The following TDRD5 variants were observed in gnomAD, a reference collection of about 807,000 sequenced individuals.
TDRD5 encodes the protein tudor domain-containing protein 5.
Under a neutral mutation model 120.6 loss-of-function variants are expected in TDRD5, and 41 were observed. That is an observed-to-expected ratio of 0.34 (90% CI 0.26 to 0.44). The LOEUF is 0.44. TDRD5 is among the 20% of genes least tolerant of loss of function. The pLI, the probability that TDRD5 is intolerant of heterozygous loss-of-function variation, is 1.00. For missense variants in TDRD5, 1,006 were observed against 1,221.2 expected (o/e 0.82, Z 2.63); for synonymous variants, 430 against 433.7 (o/e 0.99, Z 0.11).
In TDRD5 at chr1:179,591,970, C is replaced by G. The variant is rs1230936170; in HGVS notation, c.-170C>G. The G allele has an allele frequency of 6.5e-6, 1 of 152,774 alleles. No individual in the cohort carries two copies. The highest frequency in any genetic ancestry group is 1.5e-5 in the Non-Finnish European group (1 of 68,528). The allele number at this position is 152,774 out of a possible 1,614,324, so 9.5% of individuals were successfully genotyped here. Reference sequence around the variant, plus strand: ...ACGGGTGACTGGCAGCAGGGCGGTGCCGGGCCGAGAAGGGCGCCTCACCTG... The same window carrying G: ...ACGGGTGACTGGCAGCAGGGCGGTGGCGGGCCGAGAAGGGCGCCTCACCTG... On this transcript the variant is annotated 5_prime_UTR_variant, in exon 1 of 18. Coordinates refer to ENST00000444136, the MANE Select transcript of TDRD5 (RefSeq NM_001199085.3).
intron 6 of TDRD5, among the ~76,000 whole-genome samples, chr1:179,627,480 GTAT>G (rs1377971926): frequency 6.6e-6 from 1 of 152,160 alleles, no homozygotes; most frequent in Non-Finnish European, 1.5e-5. Context: ...ATTGGTGGTA[GTAT>G]TCTGAGACCA....
chr1:179,668,741 C>CTTTTTTTT (rs35873475), intron 16 of TDRD5, among the ~76,000 whole-genome samples: 10 of 110,326 alleles, frequency 9.1e-5, no homozygotes, highest in Non-Finnish European at 1.8e-4. Flanking sequence ...TATCTAGGTT[C>CTTTTTTTT]TTTTTTTTTT....
intron 4 of TDRD5, among the ~76,000 whole-genome samples, chr1:179,596,748 T>A (rs1300938219): frequency 6.6e-6 from 1 of 152,230 alleles, no homozygotes; most frequent in Non-Finnish European, 1.5e-5. Context: ...TCCTCTTTGG[T>A]CCTTTACTTA....
At chr1:179,675,273 A>ATTTTTTTTTT (rs1172444253) in intron 17 of TDRD5, among the ~76,000 whole-genome samples, 8 of 66,616 alleles carry the variant, frequency 1.2e-4, no homozygotes, top group African/African-American at 3.8e-4. Flanking sequence ...TATTATTATT[A>ATTTTTTTTTT]TTTTTTTTTT....
chr1:179,653,591 A>G (rs2102069403), intron 13 of TDRD5, among the ~76,000 whole-genome samples: 1 of 152,336 alleles, frequency 6.6e-6, no homozygotes, highest in Non-Finnish European at 1.5e-5. Context: ...ATTGAATTCA[A>G]CCTTTAATAT....
intron 4 of TDRD5, among the ~76,000 whole-genome samples, chr1:179,607,229 C>G (rs1676026387): frequency 6.6e-6 from 1 of 151,996 alleles, no homozygotes; most frequent in Non-Finnish European, 1.5e-5. Flanking sequence ...TCAAATTTCA[C>G]TTATTACTGG....
At chr1:179,633,217 C>G (rs1280162642) in intron 7 of TDRD5, among the ~76,000 whole-genome samples, 1 of 152,114 alleles carries the variant, frequency 6.6e-6, no homozygotes, top group East Asian at 1.9e-4. Context: ...TAACCAGTCT[C>G]CTACTGATGG....
chr1:179,618,506 TA>T (rs1390039477), intron 4 of TDRD5, 92 bp from the exon 5 acceptor site: 3 of 812,678 alleles, frequency 3.7e-6, no homozygotes, highest in Non-Finnish European at 5.6e-6. Flanking sequence ...TGTCTCCTTT[TA>T]TAGATTTTTT....
At chr1:179,633,188 TA>T (rs758198116) in intron 7 of TDRD5, among the ~76,000 whole-genome samples, 1 of 152,164 alleles carries the variant, frequency 6.6e-6, no homozygotes, top group East Asian at 1.9e-4. Context: ...TTTGAAGTTA[TA>T]TATAATAATA....
rs567823922 is a variant in TDRD5, at chr1:179,631,135, T to A, written c.1126+215T>A. Among the ~76,000 whole-genome samples, 3 of 152,348 alleles carry A rather than the reference T, an allele frequency of 2.0e-5. No homozygotes were observed. In the East Asian group the frequency reaches 5.8e-4, roughly 29 times the overall value. On this transcript the variant is annotated intron_variant, in intron 7 of 17. Transcript: ENST00000444136. Reference sequence around the variant, plus strand: ...GGCCGGGTGCAGTGGCTCATGCCTATAATCCCAGCACTTTGGGAGGCCGAG... The same window carrying A: ...GGCCGGGTGCAGTGGCTCATGCCTAAAATCCCAGCACTTTGGGAGGCCGAG...
At chr1:179,605,905 G>C (rs954601247) in intron 4 of TDRD5, among the ~76,000 whole-genome samples, 5 of 152,148 alleles carry the variant, frequency 3.3e-5, no homozygotes, top group South Asian at 2.1e-4. Flanking sequence ...CTATAAACGT[G>C]TGTGGGTTTT....
rs1679729909 is a variant in TDRD5, at chr1:179,669,252, G to A, written c.2708G>A (p.Cys903Tyr). 1 of 1,614,110 alleles carries A rather than the reference G, an allele frequency of 6.2e-7. No homozygotes were observed. Among genetic ancestry groups the A allele is most frequent in the Non-Finnish European group, 8.5e-7 (1 of 1,180,036 alleles). ...SSTLPKLEEFCTSLTQSEQSA... is the reference protein window; with the variant it reads ...SSTLPKLEEFYTSLTQSEQSA... ...ACACTGCCCAAATTGGAAGAATTCT[G>A]TACCTCTCTTACCCAGTCAGAGCAG... Residue 903 changes from cysteine (C) to tyrosine (Y), a missense_variant, in exon 17 of 18, where the codon TGT (cysteine) becomes TAT (tyrosine). Cys to Tyr is a radical substitution (Grantham distance 194). Around this residue, in one of 3 missense-constraint regions of TDRD5, gnomAD observed 403 missense variants for 448.1 expected, o/e 0.90. Transcript: ENST00000444136.
At chr1:179,649,720 A>G (rs1678606880) in intron 11 of TDRD5, among the ~76,000 whole-genome samples, 1 of 151,950 alleles carries the variant, frequency 6.6e-6, no homozygotes, top group African/African-American at 2.4e-5. Flanking sequence ...GATTTGTTAT[A>G]TTGTTTCTGT....
At chr1:179,635,991 C>CT (rs36125866) in intron 9 of TDRD5, 104 bp downstream of exon 9, 145 of 852,692 alleles carry the variant, frequency 1.7e-4, no homozygotes, top group South Asian at 1.0e-3. Context: ...CCCAAGAGAG[C>CT]TTTTTTTTAT....
chr1:179,641,905 TGGAA>T, intron 11 of TDRD5, among the ~76,000 whole-genome samples: 1 of 152,172 alleles, frequency 6.6e-6, no homozygotes, highest in Non-Finnish European at 1.5e-5. Flanking sequence ...TGTTTTTTGG[TGGAA>T]GCCTGTATTC....
At chr1:179,661,841 C>T (rs1288248412) in intron 14 of TDRD5, among the ~76,000 whole-genome samples, 1 of 152,162 alleles carries the variant, frequency 6.6e-6, no homozygotes, top group Non-Finnish European at 1.5e-5. Context: ...TTTCTCAGGA[C>T]TGCTTAATCG....
At chr1:179,597,969 A>G (rs1359263791) in intron 4 of TDRD5, among the ~76,000 whole-genome samples, 3 of 152,312 alleles carry the variant, frequency 2.0e-5, no homozygotes, top group Admixed American at 6.5e-5. Flanking sequence ...TCCTGTGTCA[A>G]TGACAGGGAT....
Position 179,680,648 on chromosome 1 carries a change from C to T in TDRD5, c.2861-10048C>T, listed in dbSNP as rs528847660. 1.8e-4 allele frequency among the ~76,000 whole-genome samples: 27 copies of T among 152,152 alleles called. No individual in the cohort carries two copies. In the South Asian group the frequency reaches 4.6e-3, roughly 26 times the overall value. The stretch of plus-strand genomic sequence containing the variant: ...TTATTGCCATCCTTTCACTTTTAAC[C>T]TGTCTGTATCTTTATACTTAAAATA... On this transcript the variant is annotated intron_variant, in intron 17 of 17. Coordinates refer to ENST00000444136, the MANE Select transcript of TDRD5 (RefSeq NM_001199085.3).
intron 17 of TDRD5, among the ~76,000 whole-genome samples, chr1:179,689,288 G>A (rs1436805049): frequency 3.3e-5 from 5 of 152,242 alleles, no homozygotes; most frequent in Admixed American, 1.3e-4. Flanking sequence ...ACCCTCAGCT[G>A]CAGGTCTGTT....
Sources: allele counts gnomAD v4.1 joint callset (sites outside exome capture counted in the v4.1 genomes callset), GRCh38; gene constraint gnomAD v4.1.1; regional missense constraint gnomAD v4.1.1; transcripts MANE v1.5; gene names NCBI Gene and HGNC (gene_info 2026-07-23, HGNC 2026-07-21).